Variants in AKAP13 observed in about 807,000 individuals in gnomAD.
AKAP13 encodes the protein A-kinase anchor protein 13.
A neutral mutation model predicts 264.5 loss-of-function variants in AKAP13; 80 were observed. The ratio of observed to expected loss-of-function variants is 0.30; its 90% CI spans 0.25 to 0.36. The LOEUF (loss-of-function observed/expected upper bound fraction) is 0.36. Ranked by LOEUF, AKAP13 falls within the 10% of genes least tolerant of loss-of-function variation. The pLI is 1.00. For missense variants in AKAP13, 3,712 were observed against 3,435.2 expected (o/e 1.08, Z -2.01); for synonymous variants, 1,380 against 1,250.2 (o/e 1.10, Z -2.19).
Position 85,579,501 on chromosome 15 carries a change from C to G in AKAP13, c.1433C>G (p.Thr478Ser), listed in dbSNP as rs777590221. 1.2e-6 allele frequency: 2 copies of G among 1,614,166 alleles called. No individual in the cohort carries two copies. The highest frequency in any genetic ancestry group is 1.7e-6 in the Non-Finnish European group (2 of 1,180,032). ...ACAACAAATGTCAGTACCCCAGACA[C>G]TGCAGGGGAAATGGAACATGGGCTC... ...ISTTNVSTPD[T>S]AGEMEHGLMN... The change falls in exon 7 of 37, where the codon ACT becomes AGT. Residue 478 changes from threonine to serine, a missense_variant. Physicochemically the swap from Thr to Ser is moderately conservative, Grantham distance 58 (BLOSUM62 1). Around this residue, in one of 3 missense-constraint regions of AKAP13, gnomAD observed 2,759 missense variants for 2,411.7 expected, o/e 1.14. Coordinates refer to ENST00000394518, the MANE Select transcript of AKAP13 (RefSeq NM_007200.5).
At chr15:85,388,952 T>G (rs923762923) in intron 1 of AKAP13, among the ~76,000 whole-genome samples, 2 of 152,210 alleles carry the variant, frequency 1.3e-5, no homozygotes, top group African/African-American at 4.8e-5. Context: ...AACTTATGTG[T>G]GTAAGTTGCT....
intron 8 of AKAP13, among the ~76,000 whole-genome samples, chr15:85,587,267 C>G (rs1249502036): frequency 6.6e-6 from 1 of 152,236 alleles, no homozygotes; most frequent in Admixed American, 6.5e-5. Context: ...AGTACGTAAA[C>G]TGCCCATTCC....
intron 8 of AKAP13, among the ~76,000 whole-genome samples, chr15:85,616,929 G>A (rs573217002): frequency 1.2e-4 from 18 of 152,348 alleles, no homozygotes; most frequent in African/African-American, 3.4e-4. Flanking sequence ...AACAGAATAT[G>A]TAAGGAATTG....
chr15:85,717,551 T>A (rs2087021931), intron 21 of AKAP13, 149 bp downstream of exon 21: 1 of 650,892 alleles, frequency 1.5e-6, no homozygotes, highest in Admixed American at 3.3e-5. Context: ...TGTCCAGTGC[T>A]TTGTCATGAC....
intron 1 of AKAP13, among the ~76,000 whole-genome samples, chr15:85,470,536 TA>T (rs1412521652): frequency 2.0e-5 from 3 of 152,230 alleles, no homozygotes; most frequent in African/African-American, 4.8e-5. Flanking sequence ...ATCTGACACC[TA>T]GAGAGATTAC....
At chr15:85,437,424 T>G (rs2150944016) in intron 1 of AKAP13, among the ~76,000 whole-genome samples, 1 of 152,216 alleles carries the variant, frequency 6.6e-6, no homozygotes, top group African/African-American at 2.4e-5. Context: ...CTTCTGAAAC[T>G]ATTCCAATCA....
rs763141807 is a variant in AKAP13 at position 85,743,598 on chromosome 15, A to T, written c.8165A>T (p.Asp2722Val). 21 of 1,613,876 alleles carry T rather than the reference A, an allele frequency of 1.3e-5. No individual in the cohort carries two copies. Among genetic ancestry groups the T allele is most frequent in the Non-Finnish European group, 1.6e-5 (19 of 1,180,010 alleles). The change falls in exon 36 of 37, where the codon GAC becomes GTC. Residue 2722 changes from aspartate (D) to valine (V), a missense_variant. Physicochemically the swap from Asp to Val is radical, Grantham distance 152. Around this residue, in one of 3 missense-constraint regions of AKAP13, gnomAD observed 611 missense variants for 539.3 expected, o/e 1.13. Transcript: ENST00000394518. ...TCCATAGCCAAATCAGGGTCATTGG[A>T]CTCAGAACTTTCAGTGTCCCCAAAA... ...APSIAKSGSL[D>V]SELSVSPKRN...
intron 1 of AKAP13, among the ~76,000 whole-genome samples, chr15:85,472,175 G>C (rs1192283661): frequency 6.7e-6 from 1 of 149,304 alleles, no homozygotes; most frequent in African/African-American, 2.5e-5. Flanking sequence ...GATTAGATCT[G>C]AGTTTAAAGT....
chr15:85,402,887 C>T (rs935601465), intron 1 of AKAP13, among the ~76,000 whole-genome samples: 6 of 152,190 alleles, frequency 3.9e-5, no homozygotes, highest in Non-Finnish European at 8.8e-5. Flanking sequence ...ATTATGTTCA[C>T]CTGCCTTTCT....
At chr15:85,514,033 A>G (rs1450096203) in intron 2 of AKAP13, among the ~76,000 whole-genome samples, 1 of 136,532 alleles carries the variant, frequency 7.3e-6, no homozygotes, top group African/African-American at 3.0e-5. Flanking sequence ...TTTCTTTCTT[A>G]TAACTAATAA....
chr15:85,430,479 C>T lies in AKAP13; in HGVS notation c.-12+49681C>T, dbSNP rs370772161. On this transcript the variant is annotated intron_variant, in intron 1 of 36. Transcript: ENST00000394518. ...AGATTATGTGACTTAATCTTCCCATCAGGGGGATGTGAGTGATTGGAATGC... is the reference window on the plus strand; with the variant it reads ...AGATTATGTGACTTAATCTTCCCATTAGGGGGATGTGAGTGATTGGAATGC... Among the ~76,000 whole-genome samples the T allele has an allele frequency of 1.4e-4, 22 of 152,274 alleles. No homozygotes were observed. In the East Asian group the frequency reaches 3.7e-3, roughly 25 times the overall value.
chr15:85,673,220 A>C (rs565402385), intron 14 of AKAP13, among the ~76,000 whole-genome samples: 2 of 152,176 alleles, frequency 1.3e-5, no homozygotes, highest in African/African-American at 4.8e-5. Flanking sequence ...TAAAAAATCT[A>C]CTGATGTAAA....
chr15:85,612,518 T>TA (rs2080689780), intron 8 of AKAP13, among the ~76,000 whole-genome samples: 3 of 152,230 alleles, frequency 2.0e-5, no homozygotes, highest in Admixed American at 2.0e-4. Context: ...TATTTGATGG[T>TA]ATAGTTATCA....
At chr15:85,527,010 A>G (rs2077075518) in intron 3 of AKAP13, among the ~76,000 whole-genome samples, 2 of 148,894 alleles carry the variant, frequency 1.3e-5, no homozygotes, top group East Asian at 4.0e-4. Context: ...GCTGGAGTGC[A>G]GTGGCGCGAT....
intron 1 of AKAP13, among the ~76,000 whole-genome samples, chr15:85,463,042 A>AAAAG: frequency 6.6e-6 from 1 of 150,624 alleles, no homozygotes; most frequent in African/African-American, 2.4e-5. Flanking sequence ...AAAAAAAAAA[A>AAAAG]AGAAATAAAA....
chr15:85,452,795 T>G (rs939192850), intron 1 of AKAP13, among the ~76,000 whole-genome samples: 1 of 152,180 alleles, frequency 6.6e-6, no homozygotes. Flanking sequence ...AAAGTATGGG[T>G]TTCTCTGCCC....
At chr15:85,527,285 TTA>T (rs2077097436) in intron 3 of AKAP13, among the ~76,000 whole-genome samples, 1 of 152,070 alleles carries the variant, frequency 6.6e-6, no homozygotes, top group African/African-American at 2.4e-5. Context: ...TAGGAGGAAA[TTA>T]TATATTTCAT....
intron 1 of AKAP13, among the ~76,000 whole-genome samples, chr15:85,433,940 C>CA (rs1290101756): frequency 3.8e-3 from 319 of 82,894 alleles, no homozygotes; most frequent in African/African-American, 0.015. Flanking sequence ...GACTCTGTCT[C>CA]AAAAAATAAA....
chr15:85,613,691 AAT>A (rs751538813), intron 8 of AKAP13, among the ~76,000 whole-genome samples: 5,156 of 91,970 alleles, frequency 0.056, 331 homozygotes, highest in African/African-American at 0.06. Context: ...AAAAAAAAAA[AAT>A]ATATATATAT....
Sources: gnomAD v4.1 joint callset for allele counts (sites outside exome capture counted in the v4.1 genomes callset) on GRCh38, gnomAD v4.1.1 for gene constraint, gnomAD v4.1.1 regional missense constraint, MANE v1.5 for transcripts, NCBI Gene and HGNC (gene_info 2026-07-23, HGNC 2026-07-21) for gene names.